ERH: variants seen among roughly 807,000 people sequenced by gnomAD.
The protein encoded by ERH is ERH mRNA splicing and mitosis factor, also known as enhancer of rudimentary homolog.
In ERH, 1 loss-of-function variant was observed where a neutral mutation model predicts 16.8. That is an observed-to-expected ratio of 0.06 (90% CI 0.02 to 0.28). ERH has a LOEUF of 0.28. Ranked by LOEUF, ERH falls within the 10% of genes least tolerant of loss-of-function variation. ERH has a pLI of 1.00. For synonymous variants in ERH, 43 were observed against 43.6 expected, an observed-to-expected ratio of 0.99 and a Z score of 0.05; for missense variants, 42 against 127.5, an observed-to-expected ratio of 0.33 and a Z score of 3.23.
chr14:69,393,874 A>C (rs1341450308), intron 2 of ERH, among the ~76,000 whole-genome samples: 1 of 152,164 alleles, frequency 6.6e-6, no homozygotes, highest in Non-Finnish European at 1.5e-5. Flanking sequence ...CCAAAAAATT[A>C]GCCAGGTGTG....
chr14:69,396,571 G>A (rs1358842898), intron 1 of ERH, among the ~76,000 whole-genome samples: 2 of 152,142 alleles, frequency 1.3e-5, no homozygotes, highest in Non-Finnish European at 2.9e-5. Flanking sequence ...AAAATGATCA[G>A]AATTTTTAAC....
Position 69,391,614 on chromosome 14 carries a change from T to C in ERH, c.91+3211A>G, listed in dbSNP as rs115940707. Among the ~76,000 whole-genome samples the C allele has an allele frequency of 3.4e-3, 456 of 132,706 alleles. 4 individuals are homozygous for C. Among genetic ancestry groups the C allele is most frequent in the African/African-American group, 0.013 (443 of 33,798 alleles). The allele number at this position is 132,706 out of a possible 152,430, so 87.1% of individuals were successfully genotyped here. ...AGTGAGCTGAGATTACGTCACAGCA[T>C]TCCAGCCTGGGTGACAGAGTAAGAC... On this transcript the variant is annotated intron_variant, in intron 2 of 3. Coordinates refer to ENST00000557016, the MANE Select transcript of ERH (RefSeq NM_004450.3).
intron 2 of ERH, among the ~76,000 whole-genome samples, chr14:69,393,785 G>A (rs982137513): frequency 2.0e-5 from 3 of 152,196 alleles, no homozygotes; most frequent in Admixed American, 6.5e-5. Flanking sequence ...ACTTTGGGAG[G>A]CTAAGGCAGG....
chr14:69,395,450 C>G (rs1882313676), intron 1 of ERH, among the ~76,000 whole-genome samples: 1 of 152,208 alleles, frequency 6.6e-6, no homozygotes, highest in Admixed American at 6.5e-5. Flanking sequence ...TCAGTATAAG[C>G]TACCTTGCCC....
At chr14:69,381,922 C>T (rs1242039532) in intron 3 of ERH, among the ~76,000 whole-genome samples, 2 of 152,210 alleles carry the variant, frequency 1.3e-5, no homozygotes, top group Non-Finnish European at 1.5e-5. Flanking sequence ...ACTCCTGACC[C>T]TCAAGTGATC....
chr14:69,383,903 T>A (rs773513862), intron 3 of ERH, among the ~76,000 whole-genome samples: 6 of 152,168 alleles, frequency 3.9e-5, no homozygotes, highest in Admixed American at 6.5e-5. Context: ...ATATCACTCC[T>A]TGGGGAGGCT....
chr14:69,380,160 A>C lies in ERH; in HGVS notation c.*378T>G, dbSNP rs573034339. 6.1e-6 allele frequency: 1 copy of C among 164,726 alleles called. No homozygotes were observed. Among genetic ancestry groups the C allele is most frequent in the Admixed American group, 6.4e-5 (1 of 15,652 alleles). 10.2% of individuals were successfully genotyped at this position (164,726 alleles called of 1,614,324 possible). A position where few individuals can be genotyped will look rare whatever the true frequency, so the allele number is the denominator to read the frequency against. On this transcript the variant is annotated 3_prime_UTR_variant, in exon 4 of 4. Coordinates refer to ENST00000557016, the MANE Select transcript of ERH (RefSeq NM_004450.3). ...AAAGGACATTTATTTATTTTTACCA[A>C]GACTTTATCTTGAGGACATGGCTAA...
chr14:69,390,798 A>G (rs757989618), intron 2 of ERH, among the ~76,000 whole-genome samples: 8 of 152,266 alleles, frequency 5.3e-5, no homozygotes, highest in Non-Finnish European at 1.0e-4. Context: ...CTAAAAATAT[A>G]CAAAGAACTC....
At chr14:69,391,884 G>C (rs1882218993) in intron 2 of ERH, among the ~76,000 whole-genome samples, 3 of 151,950 alleles carry the variant, frequency 2.0e-5, no homozygotes, top group Admixed American at 2.0e-4. Flanking sequence ...GTAGATACAC[G>C]TAATTATACA....
intron 3 of ERH, among the ~76,000 whole-genome samples, chr14:69,384,047 A>G (rs1162539140): frequency 6.6e-6 from 1 of 152,146 alleles, no homozygotes. Context: ...TTAATGACAT[A>G]CTTGTATATC....
chr14:69,395,156 A>C (rs1269355239), intron 1 of ERH, among the ~76,000 whole-genome samples: 1 of 152,100 alleles, frequency 6.6e-6, no homozygotes, highest in Non-Finnish European at 1.5e-5. Flanking sequence ...CTCTACAAAA[A>C]AATAAAATTT....
intron 3 of ERH, among the ~76,000 whole-genome samples, chr14:69,383,172 C>G (rs1056369906): frequency 3.0e-4 from 46 of 152,286 alleles, no homozygotes; most frequent in African/African-American, 1.1e-3. Flanking sequence ...ACATACAGAT[C>G]AGAAAACTGG....
chr14:69,387,031 G>C lies in ERH; in HGVS notation c.144C>G (p.Pro48=). 1 of 1,613,606 alleles carries C rather than the reference G, an allele frequency of 6.2e-7. No homozygotes were observed. The highest frequency in any genetic ancestry group is 8.5e-7 in the Non-Finnish European group (1 of 1,179,542). Residue 48 remains proline (P), a synonymous_variant, in exon 3 of 4, where the codon CCC becomes CCG. Coordinates refer to ENST00000557016, the MANE Select transcript of ERH (RefSeq NM_004450.3). ...ACTGACTGATGTCATATGTGATAGA[G>C]GGACTGTTGGGATTCATTCTTTTCA... The part of the protein sequence containing the change: ...EHLKRMNPNS[P]SITYDISQLF...
intron 3 of ERH, among the ~76,000 whole-genome samples, chr14:69,383,981 C>T (rs2045877963): frequency 6.6e-6 from 1 of 151,938 alleles, no homozygotes; most frequent in South Asian, 2.1e-4. Context: ...GACCCTGTCT[C>T]TAAAATTTTT....
chr14:69,386,243 G>C (rs2045892178), intron 3 of ERH, among the ~76,000 whole-genome samples: 1 of 152,220 alleles, frequency 6.6e-6, no homozygotes, highest in African/African-American at 2.4e-5. Context: ...TGGTGATCCA[G>C]GAAGTGCCTA....
chr14:69,389,462 T>G (rs1416944125), intron 2 of ERH, among the ~76,000 whole-genome samples: 1 of 152,162 alleles, frequency 6.6e-6, no homozygotes, highest in African/African-American at 2.4e-5. Flanking sequence ...GAAAAAGAGA[T>G]AACAGGCCTT....
At chr14:69,398,155 G>A (rs1369884672) in intron 1 of ERH, 76 bp downstream of exon 1, 13 of 1,572,236 alleles carry the variant, frequency 8.3e-6, no homozygotes, top group Admixed American at 1.7e-5. Flanking sequence ...CTCGTGGGGA[G>A]GGGAAAACGT....
intron 2 of ERH, among the ~76,000 whole-genome samples, chr14:69,390,942 A>C (rs1008021525): frequency 2.6e-5 from 4 of 152,222 alleles, no homozygotes; most frequent in African/African-American, 9.7e-5. Context: ...TAAAACAATA[A>C]GATACCTTAG....
At chr14:69,393,726 T>C (rs531674497) in intron 2 of ERH, among the ~76,000 whole-genome samples, 2 of 152,200 alleles carry the variant, frequency 1.3e-5, no homozygotes, top group East Asian at 3.9e-4. Flanking sequence ...ATGGCTACAA[T>C]AAAAGCCCAG....
Sources: gnomAD v4.1 joint callset for allele counts (sites outside exome capture counted in the v4.1 genomes callset) on GRCh38, gnomAD v4.1.1 for gene constraint, MANE v1.5 for transcripts, NCBI Gene and HGNC (gene_info 2026-07-23, HGNC 2026-07-21) for gene names.